Variants in TBC1D22A observed in about 807,000 individuals in gnomAD.
TBC1D22A encodes TBC1 domain family member 22A, also known as putative GTPase activator.
Under a neutral mutation model 60.2 loss-of-function variants are expected in TBC1D22A, and 38 were observed. That is an observed-to-expected ratio of 0.63 (90% CI 0.49 to 0.83). TBC1D22A has a LOEUF of 0.83. Among genes scored for constraint, TBC1D22A ranks in the 40% least tolerant of loss-of-function variants. TBC1D22A has a pLI of 0.00. For synonymous variants in TBC1D22A, 302 were observed against 281.7 expected (o/e 1.07, Z -0.72); for missense variants, 628 against 701.0 (o/e 0.90, Z 1.18).
At chr22:47,032,411 G>C (rs1315157510) in intron 10 of TBC1D22A, among the ~76,000 whole-genome samples, 2 of 152,250 alleles carry the variant, frequency 1.3e-5, no homozygotes, top group East Asian at 1.9e-4. Flanking sequence ...AGGTCCCCCA[G>C]ACTGGGTCCA....
intron 11 of TBC1D22A, among the ~76,000 whole-genome samples, chr22:47,110,587 A>G (rs1411637763): frequency 6.6e-6 from 1 of 152,186 alleles, no homozygotes; most frequent in Admixed American, 6.5e-5. Context: ...CTCTTCACAC[A>G]CAAACCCCCT....
At chr22:46,913,521 G>C in intron 8 of TBC1D22A, 3 of 1,275,134 alleles carry the variant, frequency 2.4e-6, no homozygotes, top group Non-Finnish European at 3.1e-6. Context: ...TCATTGCTAA[G>C]CAACTAATGA....
chr22:47,076,380 TACACACACACACAC>T (rs1183466938), intron 11 of TBC1D22A, among the ~76,000 whole-genome samples: 3 of 124,510 alleles, frequency 2.4e-5, no homozygotes, highest in East Asian at 5.9e-4. Context: ...TATATATATA[TACACACACACACAC>T]ACACACACAC....
At chr22:46,874,496 T>G (rs1555919721) in intron 4 of TBC1D22A, among the ~76,000 whole-genome samples, 1 of 151,890 alleles carries the variant, frequency 6.6e-6, no homozygotes, top group Non-Finnish European at 1.5e-5. Context: ...TGGTTTTGAT[T>G]TGCATTTCCC....
rs770854112 is a variant in TBC1D22A at position 46,777,790 on chromosome 22, G to A, written c.63-14730G>A. ...GCTGCCAGGGTGGCGGAGCCGCTCC[G>A]AAAGTCATGCATCACTTAGCGACGG... On this transcript the variant is annotated intron_variant, in intron 1 of 12. Transcript: ENST00000337137. The surrounding 1 kb of genome is among the most constrained non-coding windows in gnomAD (Gnocchi z 4.5). Among the ~76,000 whole-genome samples the A allele has an allele frequency of 6.6e-6, 1 of 152,212 alleles. No individual in the cohort carries two copies. The highest frequency in any genetic ancestry group is 2.4e-5 in the African/African-American group (1 of 41,456).
intron 11 of TBC1D22A, among the ~76,000 whole-genome samples, chr22:47,107,145 G>A (rs771149651): frequency 6.6e-6 from 1 of 152,156 alleles, no homozygotes; most frequent in Admixed American, 6.5e-5. Flanking sequence ...TTGTAGAGGG[G>A]CTATTAAAAT....
chr22:46,854,075 T>G (rs1340092472), intron 4 of TBC1D22A, among the ~76,000 whole-genome samples: 2 of 152,228 alleles, frequency 1.3e-5, no homozygotes, highest in East Asian at 3.8e-4. Context: ...TCTGGACTTC[T>G]TGTTTTAAAC....
intron 11 of TBC1D22A, among the ~76,000 whole-genome samples, chr22:47,101,120 A>G (rs1256731918): frequency 2.0e-5 from 3 of 152,194 alleles, no homozygotes; most frequent in Non-Finnish European, 4.4e-5. Flanking sequence ...TGTTTCTTTC[A>G]TTAGCGATTA....
chr22:46,784,619 GA>G (rs2084081375), intron 1 of TBC1D22A, among the ~76,000 whole-genome samples: 1 of 152,218 alleles, frequency 6.6e-6, no homozygotes, highest in African/African-American at 2.4e-5. Flanking sequence ...GTCCCGGGAG[GA>G]AAAGCCTGTG....
At chr22:47,115,953 T>G (rs1270285228) in intron 12 of TBC1D22A, 1 of 152,234 alleles carries the variant, frequency 6.6e-6, no homozygotes, top group East Asian at 1.9e-4. Context: ...AATTAGAAAA[T>G]AAGCTATCCC....
At chr22:47,033,074 G>A (rs1251423350) in intron 10 of TBC1D22A, among the ~76,000 whole-genome samples, 1 of 152,224 alleles carries the variant, frequency 6.6e-6, no homozygotes, top group Admixed American at 6.5e-5. Flanking sequence ...GCCTTGTTGA[G>A]TAAATGGAGT....
intron 4 of TBC1D22A, among the ~76,000 whole-genome samples, chr22:46,859,081 G>A (rs2087739273): frequency 7.0e-6 from 1 of 142,206 alleles, no homozygotes; most frequent in African/African-American, 2.7e-5. Context: ...ATAGAGGTCC[G>A]CGCAGTGCTG....
chr22:47,057,970 A>G (rs2063451802), intron 11 of TBC1D22A, among the ~76,000 whole-genome samples: 1 of 152,184 alleles, frequency 6.6e-6, no homozygotes, highest in African/African-American at 2.4e-5. Flanking sequence ...GGCAGGCCCC[A>G]CGAGGATCTC....
At chr22:47,167,684 A>G (rs1319661655) in intron 12 of TBC1D22A, among the ~76,000 whole-genome samples, 1 of 152,220 alleles carries the variant, frequency 6.6e-6, no homozygotes, top group African/African-American at 2.4e-5. Context: ...TGTGAGGGTA[A>G]GTCCAGGGTT....
intron 1 of TBC1D22A, among the ~76,000 whole-genome samples, chr22:46,773,382 G>A (rs1309853160): frequency 3.9e-5 from 6 of 152,228 alleles, no homozygotes; most frequent in Admixed American, 2.0e-4. Flanking sequence ...TCCCTGCAGC[G>A]CTCAGAACTG....
rs2068630753 is a variant in TBC1D22A at position 47,174,931 on chromosome 22, C to A, written c.*1305C>A. The A allele has an allele frequency of 6.6e-6, 1 of 152,188 alleles. No individual in the cohort carries two copies. Among genetic ancestry groups the A allele is most frequent in the South Asian group, 2.1e-4 (1 of 4,826 alleles). The allele number at this position is 152,188 out of a possible 1,614,324, so 9.4% of individuals were successfully genotyped here. ...CTCGGTGTGTCACAGGCTGCATGAC[C>A]CCTGGAATGCGGGCAGGGCCACAGC... On this transcript the variant is annotated 3_prime_UTR_variant, in exon 13 of 13. Transcript: ENST00000337137.
intron 10 of TBC1D22A, among the ~76,000 whole-genome samples, chr22:47,010,145 T>C (rs1227030383): frequency 6.6e-6 from 1 of 152,238 alleles, no homozygotes; most frequent in Non-Finnish European, 1.5e-5. Flanking sequence ...CTGAAAGTTG[T>C]CTTGACTACC....
chr22:46,890,184 C>T (rs2068324515), intron 5 of TBC1D22A, among the ~76,000 whole-genome samples: 2 of 151,774 alleles, frequency 1.3e-5, no homozygotes, highest in African/African-American at 4.8e-5. Context: ...ACTAAAAATA[C>T]AAAATTTAGC....
Position 46,842,593 on chromosome 22 carries a change from T to C in TBC1D22A, c.638-36060T>C, listed in dbSNP as rs116862892. Among the ~76,000 whole-genome samples the C allele has an allele frequency of 4.4e-4, 67 of 152,328 alleles. No homozygotes were observed. The East Asian group carries it at 0.013, about 29-fold the overall frequency. Reference sequence around the variant, plus strand: ...TTAGGGTTTTCGTGGAGGTAATATTTACACCATGAAATGTACAAACCTGCA... The same window carrying C: ...TTAGGGTTTTCGTGGAGGTAATATTCACACCATGAAATGTACAAACCTGCA... On this transcript the variant is annotated intron_variant, in intron 4 of 12. Transcript: ENST00000337137.
Sources: gnomAD v4.1 joint callset for allele counts (sites outside exome capture counted in the v4.1 genomes callset) on GRCh38, gnomAD v4.1.1 for gene constraint, Gnocchi (gnomAD v3.1) non-coding constraint, MANE v1.5 for transcripts, NCBI Gene and HGNC (gene_info 2026-07-23, HGNC 2026-07-21) for gene names.